The following SLC14A2 variants were observed in gnomAD, a reference collection of about 807,000 sequenced individuals.
SLC14A2 encodes the protein solute carrier family 14 member 2, also known as urea transporter 2.
A neutral mutation model predicts 104.6 loss-of-function variants in SLC14A2; 91 were observed. The observed-to-expected ratio is 0.87, with a 90% CI of 0.73 to 1.04. The LOEUF is 1.04. Among genes scored for constraint, SLC14A2 ranks in the 50% least tolerant of loss-of-function variants. SLC14A2 has a pLI of 0.00. For synonymous variants in SLC14A2, 476 were observed against 466.4 expected (o/e 1.02, Z -0.27); for missense variants, 1,189 against 1,156.0 (o/e 1.03, Z -0.41).
chr18:45,671,808 G>A (rs3786397), intron 16 of SLC14A2, among the ~76,000 whole-genome samples: 21,835 of 152,058 alleles, frequency 0.14, 1,745 homozygotes, highest in East Asian at 0.3. Context: ...TCTATATACA[G>A]GGACTCGCCC....
At chr18:45,433,272 C>T (rs2086546414) in intron 1 of SLC14A2, among the ~76,000 whole-genome samples, 1 of 152,182 alleles carries the variant, frequency 6.6e-6, no homozygotes, top group East Asian at 1.9e-4. Flanking sequence ...AGGTTAAATG[C>T]AACAAATATT....
At chr18:45,185,448 C>T in the SLC14A2 span, among the ~76,000 whole-genome samples, 2 of 152,136 alleles carry the variant, frequency 1.3e-5, no homozygotes, top group African/African-American at 2.4e-5. Flanking sequence ...GGTATAAGAA[C>T]AAGCGACCTT....
chr18:45,332,996 TG>T (rs2085304434), intron 1 of SLC14A2, among the ~76,000 whole-genome samples: 1 of 152,178 alleles, frequency 6.6e-6, no homozygotes, highest in Admixed American at 6.5e-5. Flanking sequence ...AAAATGCAGC[TG>T]GGGTAAATGG....
At chr18:45,294,939 C>T (rs943999426) in intron 1 of SLC14A2, among the ~76,000 whole-genome samples, 2 of 152,210 alleles carry the variant, frequency 1.3e-5, no homozygotes, top group African/African-American at 4.8e-5. Context: ...TTGTTTTTCA[C>T]TTTTTGAAAG....
At chr18:45,212,158 T>C (rs1334945092), upstream of SLC14A2, among the ~76,000 whole-genome samples, 1 of 152,216 alleles carries the variant, frequency 6.6e-6, no homozygotes, top group Non-Finnish European at 1.5e-5. Context: ...TTATGTATAT[T>C]TGTAGTCCAA....
At chr18:45,354,084 G>A (rs1021676641) in intron 1 of SLC14A2, among the ~76,000 whole-genome samples, 2 of 152,100 alleles carry the variant, frequency 1.3e-5, no homozygotes, top group South Asian at 4.1e-4. Flanking sequence ...TTCGCAGGGG[G>A]TAGAGTTGAC....
chr18:45,441,379 C>T (rs916869742), intron 1 of SLC14A2, among the ~76,000 whole-genome samples: 1 of 152,172 alleles, frequency 6.6e-6, no homozygotes, highest in Non-Finnish European at 1.5e-5. Context: ...TCTGCCCTCA[C>T]ACTCCCCTTT....
At position 45,455,413 on chromosome 18, in the gene SLC14A2, A is replaced by G. The variant is rs1347316349; in HGVS notation, c.-124-27820A>G. Among the ~76,000 whole-genome samples the G allele has an allele frequency of 2.0e-5, 3 of 151,950 alleles. No homozygotes were observed. The East Asian group carries it at 5.8e-4, about 29-fold the overall frequency. On this transcript the variant is annotated intron_variant, in intron 1 of 20. Coordinates refer to the SLC14A2 transcript ENST00000586448. ...ACAGGAACAGAAAACCAAACACCAC[A>G]TGTTCTCACTCACAAGTGGGAGTTG...
At chr18:45,417,858 C>G (rs1019913242) in intron 1 of SLC14A2, among the ~76,000 whole-genome samples, 1 of 152,080 alleles carries the variant, frequency 6.6e-6, no homozygotes, top group African/African-American at 2.4e-5. Context: ...GAGGAAAGGA[C>G]TTTTTTAAGT....
rs2084224915 is a variant in SLC14A2 at position 45,235,871 on chromosome 18, A to ATGTATATATACATATATGTGTGTATG, written c.-125+22681_-125+22682insGTATATATACATATATGTGTGTATGT. Among the ~76,000 whole-genome samples, 15 of 101,040 alleles carry ATGTATATATACATATATGTGTGTATG rather than the reference A, an allele frequency of 1.5e-4. 3 individuals carry two copies. The highest frequency in any genetic ancestry group is 2.7e-4 in the African/African-American group (7 of 25,948). 66.3% of individuals were successfully genotyped at this position (101,040 alleles called of 152,430 possible). A position where few individuals can be genotyped will look rare whatever the true frequency, so the allele number is the denominator to read the frequency against. On this transcript the variant is annotated intron_variant, in intron 1 of 20. Coordinates refer to the SLC14A2 transcript ENST00000586448. ...TGTATATATACATATATGTGTGTAT[A>ATGTATATATACATATATGTGTGTATG]TATGTATATATACATATATGTGTGT...
chr18:45,561,959 T>G (rs2044205758), intron 2 of SLC14A2, among the ~76,000 whole-genome samples: 1 of 152,256 alleles, frequency 6.6e-6, no homozygotes. Context: ...CTAATTTCTT[T>G]ATCCATGCCT....
At chr18:45,426,105 C>T (rs2086422250) in intron 1 of SLC14A2, among the ~76,000 whole-genome samples, 1 of 152,130 alleles carries the variant, frequency 6.6e-6, no homozygotes, top group South Asian at 2.1e-4. Context: ...GCTCACTCCT[C>T]CACATCTCCC....
At chr18:45,493,506 T>C (rs968838837) in intron 2 of SLC14A2, among the ~76,000 whole-genome samples, 2 of 152,234 alleles carry the variant, frequency 1.3e-5, no homozygotes, top group Non-Finnish European at 2.9e-5. Context: ...TAACCCACTG[T>C]GTGAAATACT....
At chr18:45,238,586 C>T (rs141972398) in intron 1 of SLC14A2, among the ~76,000 whole-genome samples, 647 of 152,184 alleles carry the variant, frequency 4.3e-3, no homozygotes, top group Non-Finnish European at 7.2e-3. Flanking sequence ...ATCTTCAGAC[C>T]AATGATTTTA....
intron 1 of SLC14A2, among the ~76,000 whole-genome samples, chr18:45,371,712 C>T (rs550376364): frequency 2.8e-4 from 42 of 152,294 alleles, no homozygotes; most frequent in South Asian, 2.5e-3. Flanking sequence ...TTGATAAATG[C>T]CCATTGTGCA....
At chr18:45,230,363 T>A (rs2084162388) in intron 1 of SLC14A2, among the ~76,000 whole-genome samples, 1 of 152,126 alleles carries the variant, frequency 6.6e-6, no homozygotes, top group South Asian at 2.1e-4. Context: ...TAGGGGAGAA[T>A]CCATTATCTT....
At chr18:45,336,230 C>T (rs16978343) in intron 1 of SLC14A2, among the ~76,000 whole-genome samples, 56,204 of 152,014 alleles carry the variant, frequency 0.37, 12,072 homozygotes, top group African/African-American at 0.6. Context: ...AAGGAAAACA[C>T]TTAAAAGAAG....
At chr18:45,452,428 TTG>T (rs1466316964) in intron 1 of SLC14A2, among the ~76,000 whole-genome samples, 1 of 152,188 alleles carries the variant, frequency 6.6e-6, no homozygotes, top group Non-Finnish European at 1.5e-5. Context: ...CATCCATTGT[TTG>T]TGTGTGAGTG....
intron 1 of SLC14A2, among the ~76,000 whole-genome samples, chr18:45,416,767 A>G (rs934524144): frequency 1.3e-5 from 2 of 152,218 alleles, no homozygotes; most frequent in Non-Finnish European, 2.9e-5. Flanking sequence ...GCTGCCATCA[A>G]AACCAGCAGG....
Sources: gnomAD v4.1 joint callset for allele counts (sites outside exome capture counted in the v4.1 genomes callset) on GRCh38, gnomAD v4.1.1 for gene constraint, MANE v1.5 for transcripts, NCBI Gene and HGNC (gene_info 2026-07-23, HGNC 2026-07-21) for gene names.